Variants in ARHGEF28 observed in about 807,000 individuals in gnomAD.
ARHGEF28 encodes 190 kDa guanine nucleotide exchange factor.
In ARHGEF28, 152 loss-of-function variants were observed where a neutral mutation model predicts 206.6. The ratio of observed to expected loss-of-function variants is 0.74; its 90% confidence interval spans 0.64 to 0.84. The LOEUF is 0.84. ARHGEF28 is among the 40% of genes least tolerant of loss of function. The probability of loss-of-function intolerance (pLI) is 0.00; values close to 1 mark genes in which losing one functional copy is unlikely to be tolerated. For synonymous variants in ARHGEF28, 763 were observed against 776.4 expected, an observed-to-expected ratio of 0.98 and a Z score of 0.29; for missense variants, 2,028 against 2,073.2, an observed-to-expected ratio of 0.98 and a Z score of 0.42.
At chr5:73,700,737 T>A (rs1293119271) in intron 2 of ARHGEF28, among the ~76,000 whole-genome samples, 1 of 152,102 alleles carries the variant, frequency 6.6e-6, no homozygotes, top group Non-Finnish European at 1.5e-5. Flanking sequence ...TATCAAAGTG[T>A]CCCCTATAAA....
At chr5:73,903,404 T>C (rs1196682329) in intron 31 of ARHGEF28, 3 of 152,180 alleles carry the variant, frequency 2.0e-5, no homozygotes, top group African/African-American at 7.2e-5. Flanking sequence ...ATTCTTATAA[T>C]ATGGAGCACA....
At chr5:73,815,489 T>G (rs950466981) in intron 9 of ARHGEF28, among the ~76,000 whole-genome samples, 10 of 152,176 alleles carry the variant, frequency 6.6e-5, no homozygotes, top group African/African-American at 2.4e-4. Context: ...TCAGTTCTGG[T>G]ATATTGAGAG....
At chr5:73,892,731 TA>T (rs932591067) in intron 27 of ARHGEF28, among the ~76,000 whole-genome samples, 1 of 152,230 alleles carries the variant, frequency 6.6e-6, no homozygotes, top group African/African-American at 2.4e-5. Context: ...CTAAGTATTC[TA>T]AGTCAATTTA....
intron 1 of ARHGEF28, among the ~76,000 whole-genome samples, chr5:73,637,362 C>G (rs1743789392): frequency 6.6e-6 from 1 of 152,140 alleles, no homozygotes; most frequent in South Asian, 2.1e-4. Flanking sequence ...TCTGTTTAGT[C>G]TCACAATTTT....
intron 26 of ARHGEF28, among the ~76,000 whole-genome samples, chr5:73,890,638 A>G (rs1761567691): frequency 6.6e-6 from 1 of 152,196 alleles, no homozygotes; most frequent in Admixed American, 6.5e-5. Context: ...CTGGGTCACC[A>G]TGGCACACAG....
chr5:73,780,309 G>C (rs1753763427), intron 6 of ARHGEF28: 1 of 220,248 alleles, frequency 4.5e-6, no homozygotes, highest in Admixed American at 5.2e-5. Context: ...CTTAGGATGT[G>C]GATTTGGTCT....
chr5:73,865,225 A>T (rs1025090829), intron 17 of ARHGEF28, among the ~76,000 whole-genome samples: 1 of 151,870 alleles, frequency 6.6e-6, no homozygotes, highest in Non-Finnish European at 1.5e-5. Context: ...GACTACACAG[A>T]TTTCTGGGCC....
intron 9 of ARHGEF28, among the ~76,000 whole-genome samples, chr5:73,810,827 T>C (rs1200924627): frequency 3.3e-5 from 5 of 152,236 alleles, no homozygotes; most frequent in Non-Finnish European, 7.3e-5. Flanking sequence ...CTTTGTCACA[T>C]TTCTGACCAA....
rs972952006 is a variant in ARHGEF28 at position 73,882,689 on chromosome 5, A to G, written c.2937+95A>G. ...ATGATTTAAACAAATTTCTTAGCTA[A>G]TGATGCTTTTCAGGGGAAGAAGAAG... is the stretch of plus-strand genomic sequence containing the variant. On this transcript the variant is annotated intron_variant, in intron 23 of 35. Coordinates refer to ENST00000513042, the MANE Select transcript of ARHGEF28 (RefSeq NM_001177693.2). 9.3e-6 allele frequency: 11 copies of G among 1,180,818 alleles called. No individual in the cohort carries two copies. In the African/African-American group the frequency reaches 1.8e-4, roughly 19 times the overall value. 73.1% of individuals were successfully genotyped at this position (1,180,818 alleles called of 1,614,324 possible).
chr5:73,797,389 T>C (rs1252035332), intron 9 of ARHGEF28, among the ~76,000 whole-genome samples: 1 of 152,116 alleles, frequency 6.6e-6, no homozygotes, highest in East Asian at 1.9e-4. Flanking sequence ...CACTCTTTTG[T>C]TATTTGTTAT....
intron 9 of ARHGEF28, among the ~76,000 whole-genome samples, chr5:73,819,573 G>A (rs1756445096): frequency 6.6e-6 from 1 of 152,160 alleles, no homozygotes; most frequent in Admixed American, 6.5e-5. Context: ...TGGATAGATT[G>A]GAGTGAAAAC....
Position 73,748,128 on chromosome 5 carries a change from T to C in ARHGEF28, c.34-1709T>C, listed in dbSNP as rs900252780. On this transcript the variant is annotated intron_variant, in intron 2 of 35. Transcript: ENST00000513042. Reference sequence around the variant, plus strand: ...ATGACTAAAGCAAGCTGTTCTTCCTTTTTTAGGAAATGGAATTTTGTCTAA... The same window carrying C: ...ATGACTAAAGCAAGCTGTTCTTCCTCTTTTAGGAAATGGAATTTTGTCTAA... Among the ~76,000 whole-genome samples the C allele has an allele frequency of 2.0e-5, 3 of 152,202 alleles. No homozygotes were observed. The East Asian group carries it at 5.8e-4, about 29-fold the overall frequency.
At chr5:73,916,590 T>A (rs1345303384) in intron 35 of ARHGEF28, among the ~76,000 whole-genome samples, 1 of 152,202 alleles carries the variant, frequency 6.6e-6, no homozygotes, top group Non-Finnish European at 1.5e-5. Context: ...AATCTCTCTT[T>A]ATATCAGTGA....
intron 2 of ARHGEF28, among the ~76,000 whole-genome samples, chr5:73,708,383 C>G (rs1749059219): frequency 6.6e-6 from 1 of 152,136 alleles, no homozygotes; most frequent in Non-Finnish European, 1.5e-5. Flanking sequence ...TCCCCAGTGT[C>G]TGTCATTCCC....
intron 7 of ARHGEF28, among the ~76,000 whole-genome samples, chr5:73,785,088 A>C (rs115164410): frequency 3.0e-4 from 45 of 152,302 alleles, no homozygotes; most frequent in African/African-American, 7.2e-4. Context: ...AAATGTAGGA[A>C]TTATTTCTGG....
At position 73,683,497 on chromosome 5, in the gene ARHGEF28, T is replaced by C. The variant is rs965982929; in HGVS notation, c.-11-1344T>C. ...GTCTGAGTTCTTTCACTTAGGGTAA[T>C]GTTGTCAAGGCTTGTCCAATTGTAG... is the stretch of plus-strand genomic sequence containing the variant. On this transcript the variant is annotated intron_variant, in intron 1 of 35. Transcript: ENST00000513042. 2.0e-5 allele frequency among the ~76,000 whole-genome samples: 3 copies of C among 152,114 alleles called. No individual in the cohort carries two copies. The South Asian group carries it at 6.2e-4, about 32-fold the overall frequency.
intron 13 of ARHGEF28, among the ~76,000 whole-genome samples, chr5:73,850,397 T>G (rs2931440): frequency 0.67 from 101,470 of 151,836 alleles, 35,776 homozygotes; most frequent in African/African-American, 0.91. Flanking sequence ...GCAGGATAAA[T>G]AAGATGGATT....
intron 4 of ARHGEF28, among the ~76,000 whole-genome samples, chr5:73,756,324 G>A (rs1002647803): frequency 6.6e-5 from 10 of 152,196 alleles, no homozygotes; most frequent in African/African-American, 2.4e-4. Context: ...GATACAATTG[G>A]TTTGGACAAA....
chr5:73,654,148 G>C (rs1052773258), intron 1 of ARHGEF28, among the ~76,000 whole-genome samples: 20 of 152,180 alleles, frequency 1.3e-4, no homozygotes, highest in African/African-American at 4.8e-4. Context: ...CTGGGGCAGG[G>C]AGAGGGACAA....
Sources: gnomAD v4.1 joint callset for allele counts (sites outside exome capture counted in the v4.1 genomes callset) on GRCh38, gnomAD v4.1.1 for gene constraint, MANE v1.5 for transcripts, NCBI Gene and HGNC (gene_info 2026-07-23, HGNC 2026-07-21) for gene names.